KCNH1: variants seen among roughly 807,000 people sequenced by gnomAD.
KCNH1 encodes the protein voltage-gated delayed rectifier potassium channel KCNH1.
A neutral mutation model predicts 69.2 loss-of-function variants in KCNH1; 27 were observed. The observed-to-expected ratio is 0.39, with a 90% CI of 0.29 to 0.54. The LOEUF (loss-of-function observed/expected upper bound fraction) is 0.54. KCNH1 is among the 20% of genes least tolerant of loss of function. The pLI is 0.68. For synonymous variants in KCNH1, 456 were observed against 487.7 expected (o/e 0.93, Z 0.86); for missense variants, 798 against 1,261.6 (o/e 0.63, Z 5.57).
At chr1:211,030,609 A>G (rs1298744114) in intron 5 of KCNH1, among the ~76,000 whole-genome samples, 1 of 152,146 alleles carries the variant, frequency 6.6e-6, no homozygotes. Flanking sequence ...AATTAACTCA[A>G]AATGGATTGT....
At chr1:210,900,377 G>A (rs1686969519) in intron 7 of KCNH1, among the ~76,000 whole-genome samples, 1 of 152,190 alleles carries the variant, frequency 6.6e-6, no homozygotes, top group African/African-American at 2.4e-5. Flanking sequence ...AGTTCTTTTT[G>A]TTGGTTTCTT....
intron 4 of KCNH1, among the ~76,000 whole-genome samples, chr1:211,090,196 T>C (rs556283496): frequency 3.9e-5 from 6 of 152,346 alleles, no homozygotes; most frequent in African/African-American, 1.4e-4. Context: ...AGTTTATATA[T>C]AAAGCAGATG....
At chr1:210,914,685 T>C (rs1015991125) in intron 7 of KCNH1, among the ~76,000 whole-genome samples, 1 of 151,978 alleles carries the variant, frequency 6.6e-6, no homozygotes, top group Non-Finnish European at 1.5e-5. Flanking sequence ...CAGGATGGTA[T>C]CTGGCCCAGC....
chr1:210,825,192 A>C (rs1368754807), intron 7 of KCNH1, among the ~76,000 whole-genome samples: 1 of 152,220 alleles, frequency 6.6e-6, no homozygotes, highest in East Asian at 1.9e-4. Flanking sequence ...CATTCTTTCA[A>C]GTAAAAATGG....
At chr1:211,105,023 T>C (rs1691326722) in intron 2 of KCNH1, among the ~76,000 whole-genome samples, 2 of 152,328 alleles carry the variant, frequency 1.3e-5, no homozygotes, top group Non-Finnish European at 2.9e-5. Context: ...GAGTCCTAGC[T>C]GTTGACTTTG....
chr1:210,879,158 A>G (rs976229590), intron 7 of KCNH1, among the ~76,000 whole-genome samples: 3 of 152,106 alleles, frequency 2.0e-5, no homozygotes, highest in African/African-American at 7.2e-5. Flanking sequence ...CACCAGACAC[A>G]GATAGGTCCA....
chr1:210,872,194 G>A lies in KCNH1; in HGVS notation c.1462+47446C>T, dbSNP rs1686267892. 4.8e-5 allele frequency among the ~76,000 whole-genome samples: 7 copies of A among 144,848 alleles called. No individual in the cohort carries two copies. The South Asian group carries it at 9.2e-4, about 19-fold the overall frequency. ...GATCAAGCAAGATAATCGATGTTAA[G>A]TACTTTATATAGTGCCTGTACCATG... On this transcript the variant is annotated intron_variant, in intron 7 of 10. Transcript: ENST00000271751.
intron 5 of KCNH1, among the ~76,000 whole-genome samples, chr1:211,078,439 A>C (rs987434881): frequency 5.3e-5 from 8 of 152,238 alleles, no homozygotes; most frequent in African/African-American, 1.7e-4. Context: ...CAGTGCAATC[A>C]AACTAGAACT....
At chr1:210,767,680 G>C (rs1309348060) in intron 10 of KCNH1, among the ~76,000 whole-genome samples, 2 of 152,134 alleles carry the variant, frequency 1.3e-5, no homozygotes, top group Non-Finnish European at 2.9e-5. Flanking sequence ...CTTGCTTGAG[G>C]ATGAACTTCT....
chr1:210,813,928 A>C (rs976176537), intron 7 of KCNH1, among the ~76,000 whole-genome samples: 2 of 152,134 alleles, frequency 1.3e-5, no homozygotes, highest in Admixed American at 6.6e-5. Context: ...TCCCCACACA[A>C]GTTTTCTCTC....
chr1:211,004,614 T>G (rs552587781), intron 6 of KCNH1, among the ~76,000 whole-genome samples: 4 of 151,896 alleles, frequency 2.6e-5, no homozygotes, highest in African/African-American at 9.6e-5. Flanking sequence ...GTGAAACAAC[T>G]AAGAGCAAAT....
chr1:210,748,836 C>T (rs1048138861), intron 10 of KCNH1, among the ~76,000 whole-genome samples: 47 of 152,340 alleles, frequency 3.1e-4, no homozygotes, highest in Non-Finnish European at 2.8e-4. Context: ...CCCTCTTGAA[C>T]CAGGCTTCCC....
At chr1:211,084,177 G>T (rs1396517648) in intron 4 of KCNH1, among the ~76,000 whole-genome samples, 1 of 152,148 alleles carries the variant, frequency 6.6e-6, no homozygotes, top group Non-Finnish European at 1.5e-5. Flanking sequence ...CTCTGTAGGG[G>T]TCTTTGACAT....
chr1:211,057,791 A>G (rs1690341004), intron 5 of KCNH1, among the ~76,000 whole-genome samples: 3 of 152,214 alleles, frequency 2.0e-5, no homozygotes, highest in Admixed American at 2.0e-4. Context: ...ATCCGAAAAA[A>G]AAAGTTTATT....
chr1:210,853,945 C>CAAAAA (rs1685766651), intron 7 of KCNH1, among the ~76,000 whole-genome samples: 1 of 11,658 alleles, frequency 8.6e-5, no homozygotes. Context: ...TTTATCTAAG[C>CAAAAA]CAAAAAAAAA....
chr1:210,800,688 C>T (rs1169031656), intron 8 of KCNH1, among the ~76,000 whole-genome samples: 1 of 152,188 alleles, frequency 6.6e-6, no homozygotes, highest in African/African-American at 2.4e-5. Flanking sequence ...GAGGTCTCAA[C>T]TCTGAGATCC....
intron 6 of KCNH1, among the ~76,000 whole-genome samples, chr1:211,011,196 C>A (rs1689385971): frequency 6.6e-6 from 1 of 152,086 alleles, no homozygotes; most frequent in Non-Finnish European, 1.5e-5. Context: ...TTTCATTGTT[C>A]AACTCCCACT....
chr1:210,891,529 T>TA lies in KCNH1; in HGVS notation c.1462+28110dup, dbSNP rs1048194318. 3.5e-4 allele frequency among the ~76,000 whole-genome samples: 52 copies of TA among 149,482 alleles called. No homozygotes were observed. In the South Asian group the frequency reaches 3.6e-3, roughly 10 times the overall value. On this transcript the variant is annotated intron_variant, in intron 7 of 10. Coordinates refer to ENST00000271751, the MANE Select transcript of KCNH1 (RefSeq NM_172362.3). ...CATTGTGCACACATACCCTAGAACT[T>TA]AAAGTATAATTAAAAAAAAAAAAAG...
chr1:210,828,405 A>AT (rs1685080821), intron 7 of KCNH1, among the ~76,000 whole-genome samples: 2 of 152,336 alleles, frequency 1.3e-5, no homozygotes, highest in East Asian at 3.9e-4. Flanking sequence ...CAAATTGGGC[A>AT]TTGATAAGGA....
Sources: allele counts gnomAD v4.1 joint callset (sites outside exome capture counted in the v4.1 genomes callset), GRCh38; gene constraint gnomAD v4.1.1; transcripts MANE v1.5; gene names NCBI Gene and HGNC (gene_info 2026-07-23, HGNC 2026-07-21).